WDR27: variants seen among roughly 807,000 people sequenced by gnomAD.
WDR27 encodes the protein WD repeat-containing protein 27.
In WDR27, 100 loss-of-function variants were observed where a neutral mutation model predicts 114.4. The observed-to-expected ratio is 0.87, with a 90% CI of 0.74 to 1.03. The LOEUF is 1.03. WDR27 is among the 50% of genes least tolerant of loss of function. WDR27 has a pLI of 0.00. For synonymous variants in WDR27, 449 were observed against 423.1 expected, an observed-to-expected ratio of 1.06 and a Z score of -0.75; for missense variants, 1,129 against 1,092.9, an observed-to-expected ratio of 1.03 and a Z score of -0.47.
At chr6:169,531,400 C>T (rs768466020) in intron 25 of WDR27, among the ~76,000 whole-genome samples, 2 of 152,226 alleles carry the variant, frequency 1.3e-5, no homozygotes, top group Non-Finnish European at 2.9e-5. Context: ...GCAAACACTG[C>T]TTCCAATCCA....
At chr6:169,472,328 G>C (rs1786531741) in intron 25 of WDR27, among the ~76,000 whole-genome samples, 1 of 152,146 alleles carries the variant, frequency 6.6e-6, no homozygotes, top group Non-Finnish European at 1.5e-5. Context: ...GCACAGAGAA[G>C]CATCTAAGAC....
intron 25 of WDR27, chr6:169,559,156 G>A (rs1257946819): frequency 6.6e-6 from 1 of 152,204 alleles, no homozygotes; most frequent in East Asian, 1.9e-4. Context: ...CATCTGGACA[G>A]CTCATCCCTG....
At chr6:169,661,423 G>C (rs1826067805) in intron 9 of WDR27, among the ~76,000 whole-genome samples, 1 of 152,180 alleles carries the variant, frequency 6.6e-6, no homozygotes, top group Admixed American at 6.5e-5. Context: ...TCTCCAGGGA[G>C]GCTGGACATG....
At chr6:169,607,913 G>A (rs117015093) in intron 22 of WDR27, among the ~76,000 whole-genome samples, 66 of 151,972 alleles carry the variant, frequency 4.3e-4, no homozygotes, top group Admixed American at 2.0e-3. Flanking sequence ...GAAATATGTC[G>A]TTAAGCAATT....
intron 25 of WDR27, among the ~76,000 whole-genome samples, chr6:169,505,000 G>T (rs908241352): frequency 6.6e-6 from 1 of 152,118 alleles, no homozygotes; most frequent in Non-Finnish European, 1.5e-5. Context: ...ACTTCATCTT[G>T]CATACTTTGC....
intron 25 of WDR27, among the ~76,000 whole-genome samples, chr6:169,516,637 C>A (rs1458383268): frequency 6.6e-6 from 1 of 152,040 alleles, no homozygotes; most frequent in Non-Finnish European, 1.5e-5. Flanking sequence ...CTTAAAAGTT[C>A]TATTACATCC....
intron 25 of WDR27, among the ~76,000 whole-genome samples, chr6:169,507,381 C>T (rs778998200): frequency 2.0e-4 from 30 of 152,310 alleles, no homozygotes; most frequent in Non-Finnish European, 8.8e-5. Context: ...TCTGGGCACA[C>T]GGCTGGGCAC....
chr6:169,427,438 G>A, the WDR27 span, among the ~76,000 whole-genome samples: 2 of 118,428 alleles, frequency 1.7e-5, no homozygotes, highest in African/African-American at 5.1e-5. Flanking sequence ...CTAGGACCGT[G>A]GGCCCCCCAT....
At chr6:169,487,138 T>C (rs981386983) in intron 25 of WDR27, among the ~76,000 whole-genome samples, 8 of 152,180 alleles carry the variant, frequency 5.3e-5, no homozygotes, top group Non-Finnish European at 1.0e-4. Flanking sequence ...CCTTTATCTA[T>C]GAAATGGGGC....
At position 169,580,934 on chromosome 6, in the gene WDR27, T is replaced by TAC. The variant is rs1803274151; in HGVS notation, c.2523+1901_2523+1902insGT. Among the ~76,000 whole-genome samples, 3 of 39,230 alleles carry TAC rather than the reference T, an allele frequency of 7.6e-5. No homozygotes were observed. In the Admixed American group the frequency reaches 1.0e-3, roughly 14 times the overall value. The allele number at this position is 39,230 out of a possible 152,430, so 25.7% of individuals were successfully genotyped here. A position where few individuals can be genotyped will look rare whatever the true frequency, so the allele number is the denominator to read the frequency against. ...TAAAAATAAGGAACTTAGTGAATTT[T>TAC]ATATATATATATATATATACATATA... On this transcript the variant is annotated intron_variant, in intron 24 of 25. Transcript: ENST00000448612.
intron 25 of WDR27, among the ~76,000 whole-genome samples, chr6:169,520,066 G>C (rs898509481): frequency 3.9e-5 from 6 of 152,138 alleles, no homozygotes; most frequent in African/African-American, 7.2e-5. Flanking sequence ...CCTATGAAGA[G>C]CCAGAGACAA....
intron 21 of WDR27, among the ~76,000 whole-genome samples, chr6:169,618,215 A>C (rs1420256568): frequency 2.0e-5 from 3 of 152,242 alleles, no homozygotes; most frequent in African/African-American, 7.2e-5. Context: ...CATATGTAAT[A>C]AAATTATTTC....
the WDR27 span, among the ~76,000 whole-genome samples, chr6:169,428,134 T>C: frequency 1.3e-5 from 2 of 152,204 alleles, no homozygotes; most frequent in South Asian, 2.1e-4. Flanking sequence ...CAGAAGGCAG[T>C]TGTAATTTTT....
chr6:169,549,990 G>A, intron 25 of WDR27, among the ~76,000 whole-genome samples: 1 of 152,114 alleles, frequency 6.6e-6, no homozygotes, highest in Non-Finnish European at 1.5e-5. Context: ...CCCATAGAAG[G>A]CACACCACCA....
chr6:169,428,608 A>AGGGGGGGGGTGGGTGGGGGGGGGGG, the WDR27 span, among the ~76,000 whole-genome samples: 1 of 114,470 alleles, frequency 8.7e-6, no homozygotes, highest in African/African-American at 3.6e-5. Context: ...GGCGGGGGGG[A>AGGGGGGGGGTGGGTGGGGGGGGGGG]GGGGGGGGTT....
At chr6:169,433,258 A>G in the WDR27 span, among the ~76,000 whole-genome samples, 3 of 152,050 alleles carry the variant, frequency 2.0e-5, no homozygotes. Context: ...ACCCCAAAAG[A>G]GGCTCCAGTT....
chr6:169,642,402 A>T (rs1394967677), intron 17 of WDR27, among the ~76,000 whole-genome samples: 1 of 151,890 alleles, frequency 6.6e-6, no homozygotes, highest in Non-Finnish European at 1.5e-5. Context: ...CCAACAATAA[A>T]ATACACAGGG....
intron 13 of WDR27, among the ~76,000 whole-genome samples, chr6:169,657,554 T>C (rs542605926): frequency 6.6e-6 from 1 of 152,322 alleles, no homozygotes; most frequent in African/African-American, 2.4e-5. Context: ...GCCTCCGTTT[T>C]TCAAATGAGG....
chr6:169,632,989 C>G lies in WDR27; in HGVS notation c.2181G>C (p.Ala727=). 1.3e-6 allele frequency: 2 copies of G among 1,596,420 alleles called. No homozygotes were observed. Among genetic ancestry groups the G allele is most frequent in the Non-Finnish European group, 1.7e-6 (2 of 1,165,858 alleles). The change falls in exon 21 of 26, where the codon GCG becomes GCC. Residue 727 remains alanine (A), a synonymous_variant. Coordinates refer to ENST00000448612, the MANE Select transcript of WDR27 (RefSeq NM_182552.5). ...GATGGACAGGCCGTGAGTGGGCTTC[C>G]GCTATCACCGCTGCACTGCAGCCGG... ...LNAGCSAAVI[A]EAHSRPVHQI... is the part of the protein sequence containing the mutation.
Sources: allele counts gnomAD v4.1 joint callset (sites outside exome capture counted in the v4.1 genomes callset), GRCh38; gene constraint gnomAD v4.1.1; transcripts MANE v1.5; gene names NCBI Gene and HGNC (gene_info 2026-07-23, HGNC 2026-07-21).